Variants in ABCA9 observed in about 807,000 individuals in gnomAD.
The protein encoded by ABCA9 is ATP-binding cassette sub-family A member 9.
A neutral mutation model predicts 205.3 loss-of-function variants in ABCA9; 183 were observed. The observed-to-expected ratio is 0.89, with a 90% CI of 0.79 to 1.01. ABCA9 has a LOEUF of 1.01. ABCA9 is among the 50% of genes least tolerant of loss of function. The pLI is 0.00. For synonymous variants in ABCA9, 651 were observed against 683.3 expected (o/e 0.95, Z 0.74); for missense variants, 1,805 against 1,912.4 (o/e 0.94, Z 1.05).
chr17:68,987,692 T>TAAG (rs2069280967), intron 31 of ABCA9, among the ~76,000 whole-genome samples: 1 of 152,024 alleles, frequency 6.6e-6, no homozygotes, highest in South Asian at 2.1e-4. Context: ...GGATCAATTC[T>TAAG]AAGTGAGAGG....
At chr17:69,007,439 T>C (rs2070186883) in intron 25 of ABCA9, among the ~76,000 whole-genome samples, 1 of 152,074 alleles carries the variant, frequency 6.6e-6, no homozygotes, top group Non-Finnish European at 1.5e-5. Context: ...AAGAATAAGA[T>C]TGAGGTGACA....
chr17:69,076,577 C>T, the ABCA9 span, among the ~76,000 whole-genome samples: 1 of 152,058 alleles, frequency 6.6e-6, no homozygotes, highest in Non-Finnish European at 1.5e-5. Flanking sequence ...AGAATAGTTT[C>T]AGTAAAATTG....
At chr17:69,059,751 G>A (rs933437719) in intron 1 of ABCA9, among the ~76,000 whole-genome samples, 1 of 151,710 alleles carries the variant, frequency 6.6e-6, no homozygotes, top group Non-Finnish European at 1.5e-5. Flanking sequence ...TGAGGCCTGA[G>A]AACAAGACAG....
intron 1 of ABCA9, among the ~76,000 whole-genome samples, chr17:69,058,816 G>A (rs2072147666): frequency 6.7e-6 from 1 of 149,352 alleles, no homozygotes; most frequent in African/African-American, 2.5e-5. Context: ...TCCAGCCTAG[G>A]TGACAGTGTG....
chr17:69,047,354 A>G (rs955653381), intron 3 of ABCA9, among the ~76,000 whole-genome samples: 11 of 151,294 alleles, frequency 7.3e-5, no homozygotes, highest in Non-Finnish European at 1.6e-4. Context: ...CTATAAAGAC[A>G]TAGCCAAGAC....
At chr17:69,031,137 T>C (rs2144361687) in intron 10 of ABCA9, among the ~76,000 whole-genome samples, 1 of 152,306 alleles carries the variant, frequency 6.6e-6, no homozygotes, top group East Asian at 1.9e-4. Flanking sequence ...AGACTAGTCT[T>C]ATTACCCACA....
At position 69,020,553 on chromosome 17, in the gene ABCA9, C is replaced by T. The variant is rs1241932365; in HGVS notation, c.2435G>A (p.Gly812Glu). The T allele has an allele frequency of 1.2e-6, 2 of 1,613,922 alleles. No homozygotes were observed. Among genetic ancestry groups the T allele is most frequent in the Non-Finnish European group, 8.5e-7 (1 of 1,179,898 alleles). ...IGIWGQLQTD[G>E]AKDIGSLVEL... ...AACAAGGCTTCCTATATCTTTTGCCCCATCAGTTTGTAATTGTCCCCAAAT... is the reference window on the plus strand; with the variant it reads ...AACAAGGCTTCCTATATCTTTTGCCTCATCAGTTTGTAATTGTCCCCAAAT... The change falls in exon 19 of 39, where the codon GGG becomes GAG. Residue 812 changes from glycine (G) to glutamate (E), a missense_variant. Transcript: ENST00000340001.
chr17:69,043,468 G>C, intron 6 of ABCA9, 21 bp downstream of exon 6: 1 of 1,533,406 alleles, frequency 6.5e-7, no homozygotes, highest in Non-Finnish European at 8.9e-7. Context: ...CTGTATAATG[G>C]ATTGGAGTCA....
At chr17:68,978,781 A>G (rs1000220360) in intron 37 of ABCA9, among the ~76,000 whole-genome samples, 7 of 152,262 alleles carry the variant, frequency 4.6e-5, no homozygotes, top group African/African-American at 1.7e-4. Context: ...TTGATGGGAC[A>G]TATCTCAAAA....
At chr17:69,018,727 C>G (rs933292128) in intron 19 of ABCA9, 148 bp from the exon 20 acceptor site, 7 of 621,446 alleles carry the variant, frequency 1.1e-5, no homozygotes, top group Non-Finnish European at 1.8e-5. Context: ...TTCCTTGTTT[C>G]TAAAATGAGA....
chr17:69,038,599 G>A (rs758947110), intron 6 of ABCA9, among the ~76,000 whole-genome samples: 62 of 152,084 alleles, frequency 4.1e-4, no homozygotes, highest in African/African-American at 1.2e-3. Context: ...TGACAAACCC[G>A]TAGCCAATAT....
At position 69,043,725 on chromosome 17, in the gene ABCA9, G is replaced by C; in HGVS notation, c.574-10C>G. The C allele has an allele frequency of 6.4e-7, 1 of 1,567,786 alleles. No homozygotes were observed. The highest frequency in any genetic ancestry group is 2.3e-5 in the East Asian group (1 of 44,386). The stretch of plus-strand genomic sequence containing the variant: ...AATGATTTGTTGCGATCTGAAGAAA[G>C]ATATCAATGAACAAATTGTTATCAT... On this transcript the variant is annotated splice_polypyrimidine_tract_variant and intron_variant, in intron 5 of 38. Transcript: ENST00000340001.
Position 69,051,051 on chromosome 17 carries a change from T to C in ABCA9, c.76A>G (p.Met26Val). 1.2e-6 allele frequency: 2 copies of C among 1,613,738 alleles called. No homozygotes were observed. The highest frequency in any genetic ancestry group is 1.1e-5 in the South Asian group (1 of 91,060). ...LCKNCLKKWR[M>V]KRQTLLEWLF... ...CATACCAACAAGGTCTGTCTTTTCA[T>C]TCTCCATTTTTTGAGACAGTTCTTG... Residue 26 changes from methionine (M) to valine (V), a missense_variant, in exon 2 of 39, where the codon ATG (methionine) becomes GTG (valine). Transcript: ENST00000340001.
rs1197837203 is a variant in ABCA9, at chr17:68,999,396, A to G, written c.3436-3382T>C. 1.0e-4 allele frequency among the ~76,000 whole-genome samples: 14 copies of G among 138,376 alleles called. No individual in the cohort carries two copies. The East Asian group carries it at 2.3e-3, about 22-fold the overall frequency. The allele number at this position is 138,376 out of a possible 152,430, so 90.8% of individuals were successfully genotyped here. Reference sequence around the variant, plus strand: ...GCGGTGTTTGGTTTTTTGTTCTTGCAATAGTTTACTGAGAATGATGGTTTC... The same window carrying G: ...GCGGTGTTTGGTTTTTTGTTCTTGCGATAGTTTACTGAGAATGATGGTTTC... On this transcript the variant is annotated intron_variant, in intron 25 of 38. Transcript: ENST00000340001.
intron 19 of ABCA9, 142 bp downstream of exon 19, chr17:69,020,246 T>A (rs1193312155): frequency 5.0e-6 from 4 of 792,500 alleles, no homozygotes; most frequent in Non-Finnish European, 5.8e-6. Flanking sequence ...AATGGTTTCT[T>A]TAATTAAAAA....
intron 25 of ABCA9, 150 bp from the exon 26 acceptor site, chr17:68,996,164 A>G (rs1002512933): frequency 3.5e-5 from 26 of 749,056 alleles, no homozygotes; most frequent in South Asian, 5.4e-5. Context: ...CCTTTGCAAC[A>G]TGGAATTTCA....
At chr17:69,061,540 T>C (rs1403610948), upstream of ABCA9, among the ~76,000 whole-genome samples, 1 of 152,192 alleles carries the variant, frequency 6.6e-6, no homozygotes, top group African/African-American at 2.4e-5. Flanking sequence ...GCATCTTTCA[T>C]CTTTCATGGT....
At chr17:69,029,076 G>T in intron 11 of ABCA9, 93 bp downstream of exon 11, 1 of 645,692 alleles carries the variant, frequency 1.5e-6, no homozygotes, top group Non-Finnish European at 2.5e-6. Context: ...AGACATATCT[G>T]GAATATCTGT....
intron 3 of ABCA9, 124 bp from the exon 4 acceptor site, chr17:69,045,460 T>G: frequency 7.2e-6 from 1 of 138,550 alleles, no homozygotes; most frequent in Admixed American, 1.1e-4. Context: ...TGGGCCTAAA[T>G]AAGACATGGA....
Sources: gnomAD v4.1 joint callset for allele counts (sites outside exome capture counted in the v4.1 genomes callset) on GRCh38, gnomAD v4.1.1 for gene constraint, MANE v1.5 for transcripts, NCBI Gene and HGNC (gene_info 2026-07-23, HGNC 2026-07-21) for gene names.